The following TTC23L variants were observed in gnomAD, a reference collection of about 807,000 sequenced individuals.
The protein encoded by TTC23L is tetratricopeptide repeat domain 23 like.
Under a neutral mutation model 48.1 loss-of-function variants are expected in TTC23L, and 42 were observed. The ratio of observed to expected loss-of-function variants is 0.87; its 90% CI spans 0.68 to 1.13. The LOEUF (loss-of-function observed/expected upper bound fraction) is 1.13, where lower values mean the gene tolerates loss of function less well. Among genes scored for constraint, TTC23L ranks in the 50% most tolerant of loss-of-function variants. The pLI is 0.00. For missense variants in TTC23L, 391 were observed against 421.0 expected (o/e 0.93, Z 0.62); for synonymous variants, 159 against 157.2 (o/e 1.01, Z -0.09).
the TTC23L span, chr5:34,920,751 T>G: frequency 6.6e-6 from 1 of 151,984 alleles, no homozygotes; most frequent in African/African-American, 2.4e-5. Flanking sequence ...CTAGAGAAAA[T>G]GGCAACTACA....
Position 34,863,929 on chromosome 5 carries a change from T to G in TTC23L, c.537-508T>G, listed in dbSNP as rs1337018714. Among the ~76,000 whole-genome samples the G allele has an allele frequency of 6.6e-6, 1 of 152,200 alleles. No individual in the cohort carries two copies. The highest frequency in any genetic ancestry group is 1.5e-5 in the Non-Finnish European group (1 of 68,030). On this transcript the variant is annotated intron_variant, in intron 5 of 10. Coordinates refer to ENST00000505624, the Ensembl canonical transcript of TTC23L. This position sits in a 1 kb window ranked among gnomAD's most constrained non-coding sequence, Gnocchi z 4.1. ...TATGTGGCCTTCCTCTGTTATACCC[T>G]TAGCAGGGGGCTATTGAAAATGTGG...
the TTC23L span, chr5:34,913,570 T>G: frequency 3.2e-6 from 5 of 1,565,506 alleles, no homozygotes; most frequent in African/African-American, 6.9e-5. Flanking sequence ...ACTCCTGAAA[T>G]ATTCCAGCCT....
At chr5:34,862,911 G>GGCCAAGAAACATGCTACATCA (rs1376310260) in exon 5 of TTC23L, 11 of 1,613,884 alleles carry the variant, frequency 6.8e-6, no homozygotes, top group Non-Finnish European at 9.3e-6. Context: ...TCCCAGTTCA[G>GGCCAAGAAACATGCTACATCA]GCCAAGAAAC....
At chr5:34,867,490 G>A (rs963642387) in intron 7 of TTC23L, 3 of 180,506 alleles carry the variant, frequency 1.7e-5, no homozygotes, top group African/African-American at 7.1e-5. Context: ...TAGTCTAGCT[G>A]ATTATATTTC....
chr5:34,903,147 G>A (rs1214342395), downstream of TTC23L, among the ~76,000 whole-genome samples: 2 of 152,078 alleles, frequency 1.3e-5, no homozygotes, highest in East Asian at 3.8e-4. Flanking sequence ...CATTTGGATT[G>A]TTTTTAATGT....
chr5:34,843,098 G>A (rs1403661367), intron 2 of TTC23L, among the ~76,000 whole-genome samples: 2 of 152,190 alleles, frequency 1.3e-5, no homozygotes, highest in African/African-American at 2.4e-5. Flanking sequence ...GTGAGCCACT[G>A]TGCCTGGCCT....
the TTC23L span, chr5:34,914,392 A>C: frequency 2.8e-6 from 1 of 359,624 alleles, no homozygotes; most frequent in Non-Finnish European, 5.1e-6. Context: ...AGATTAAATA[A>C]GTTAAACAAT....
the TTC23L span, chr5:34,911,558 A>T: frequency 6.2e-7 from 1 of 1,614,084 alleles, no homozygotes; most frequent in East Asian, 2.2e-5. Flanking sequence ...AAGTACCTGA[A>T]ATAAGGCTTG....
the TTC23L span, chr5:34,923,435 G>A: frequency 5.3e-6 from 3 of 566,964 alleles, no homozygotes; most frequent in East Asian, 2.9e-5. Flanking sequence ...CCATCATCAC[G>A]CCTGGCTAAT....
rs184694540 is a variant in TTC23L, at chr5:34,848,530, A to T, written c.256-1655A>T. On this transcript the variant is annotated intron_variant, in intron 3 of 10. Transcript: ENST00000505624. ...AATAGCTAATAAAATATTAGATAGA[A>T]GTAAGTACTATGAAGAAAAAGTAAA... 1.0e-3 allele frequency among the ~76,000 whole-genome samples: 159 copies of T among 152,358 alleles called. 1 individual carries two copies. The highest frequency in any genetic ancestry group is 2.8e-3 in the Admixed American group (43 of 15,302).
At chr5:34,867,044 A>G (rs1388991147) in exon 7 of TTC23L, 2 of 1,611,644 alleles carry the variant, frequency 1.2e-6, no homozygotes, top group East Asian at 4.5e-5. Flanking sequence ...AGGAACCACA[A>G]CCAGGCCATC....
intron 9 of TTC23L, among the ~76,000 whole-genome samples, chr5:34,893,089 T>A (rs566704879): frequency 1.3e-5 from 2 of 152,192 alleles, no homozygotes; most frequent in African/African-American, 4.8e-5. Flanking sequence ...TTTAGACCCT[T>A]AATTATCTAA....
the TTC23L span, chr5:34,915,067 A>G: frequency 1.6e-6 from 1 of 621,404 alleles, no homozygotes; most frequent in Non-Finnish European, 2.8e-6. Context: ...ACGGCTGACC[A>G]GGCCGAACCC....
intron 6 of TTC23L, among the ~76,000 whole-genome samples, chr5:34,865,820 C>T (rs868305631): frequency 2.0e-5 from 3 of 152,108 alleles, no homozygotes; most frequent in Admixed American, 6.6e-5. Context: ...TAGCTGAGAC[C>T]ACAGGCAAGA....
At chr5:34,911,974 T>C in the TTC23L span, among the ~76,000 whole-genome samples, 2 of 152,240 alleles carry the variant, frequency 1.3e-5, no homozygotes, top group African/African-American at 2.4e-5. Context: ...CTGATGACAG[T>C]TGTGTGTAGA....
intron 4 of TTC23L, among the ~76,000 whole-genome samples, chr5:34,852,899 G>A (rs1025371385): frequency 7.2e-5 from 11 of 152,112 alleles, no homozygotes; most frequent in African/African-American, 2.2e-4. Flanking sequence ...CTAACGTGGC[G>A]GCTGGCAAGA....
intron 9 of TTC23L, chr5:34,883,525 A>C (rs1762371841): frequency 5.9e-6 from 1 of 168,724 alleles, no homozygotes; most frequent in South Asian, 1.5e-4. Flanking sequence ...TTCCCTGAAT[A>C]GCTAGATTCA....
intron 4 of TTC23L, among the ~76,000 whole-genome samples, chr5:34,851,024 C>T (rs553542187): frequency 3.3e-5 from 5 of 152,280 alleles, no homozygotes; most frequent in South Asian, 2.1e-4. Flanking sequence ...ACATTTTCAC[C>T]GTGGAACTCA....
the TTC23L span, chr5:34,920,122 C>T: frequency 3.1e-6 from 1 of 317,960 alleles, no homozygotes; most frequent in Non-Finnish European, 5.8e-6. Flanking sequence ...AGGATTATGT[C>T]CCATTTTTTA....
Sources: allele counts gnomAD v4.1 joint callset (sites outside exome capture counted in the v4.1 genomes callset), GRCh38; gene constraint gnomAD v4.1.1; non-coding constraint Gnocchi (gnomAD v3.1); transcripts MANE v1.5; gene names NCBI Gene and HGNC (gene_info 2026-07-23, HGNC 2026-07-21).